Variants in MRC1 observed in about 807,000 individuals in gnomAD.
The protein encoded by MRC1 is mannose receptor C-type 1.
In MRC1, 62 loss-of-function variants were observed where a neutral mutation model predicts 102.9. The ratio of observed to expected loss-of-function variants is 0.60; its 90% CI spans 0.49 to 0.74. MRC1 has a LOEUF of 0.74. Ranked by LOEUF, MRC1 falls within the 30% of genes least tolerant of loss-of-function variation. MRC1 has a pLI of 0.00. For missense variants in MRC1, 1,237 were observed against 862.8 expected, an observed-to-expected ratio of 1.43 and a Z score of -5.43; for synonymous variants, 457 against 298.4, an observed-to-expected ratio of 1.53 and a Z score of -5.48.
chr10:17,870,965 C>T (rs1275156381), intron 14 of MRC1, 30 bp downstream of exon 14: 2 of 863,896 alleles, frequency 2.3e-6, no homozygotes, highest in Non-Finnish European at 4.0e-6. Context: ...ATATAACTTT[C>T]TTACTTTATC....
intron 1 of MRC1, among the ~76,000 whole-genome samples, chr10:17,820,851 G>GT (rs1838384581): frequency 6.6e-6 from 1 of 152,166 alleles, no homozygotes; most frequent in South Asian, 2.1e-4. Context: ...CATAGTCACT[G>GT]TTTTTTAAAA....
chr10:17,895,392 C>T (rs1268777376), intron 23 of MRC1, among the ~76,000 whole-genome samples: 2 of 151,644 alleles, frequency 1.3e-5, no homozygotes, highest in Admixed American at 6.6e-5. Flanking sequence ...CAGTTTTGGG[C>T]AGACTAAACC....
chr10:17,907,368 C>T (rs1833909882), intron 27 of MRC1, among the ~76,000 whole-genome samples, 166 bp from the exon 28 acceptor site: 1 of 152,018 alleles, frequency 6.6e-6, no homozygotes, highest in Non-Finnish European at 1.5e-5. Flanking sequence ...CGTTTCCTTC[C>T]CTGTAATAAT....
At position 17,859,702 on chromosome 10, in the gene MRC1, G is replaced by A. The variant is rs983459702; in HGVS notation, c.1519-1685G>A. 7.3e-4 allele frequency among the ~76,000 whole-genome samples: 111 copies of A among 152,258 alleles called. 1 individual carries two copies. The East Asian group carries it at 0.011, about 15-fold the overall frequency. On this transcript the variant is annotated intron_variant, in intron 9 of 29. Coordinates refer to ENST00000569591, the MANE Select transcript of MRC1 (RefSeq NM_002438.4). The stretch of plus-strand genomic sequence containing the variant: ...GTCACAGTCTCTCTTGACCTGGTTG[G>A]TGGGCGTATTTCTGATGTGTGGTTT...
chr10:17,881,862 T>G (rs913392501), intron 21 of MRC1, among the ~76,000 whole-genome samples: 170 of 105,042 alleles, frequency 1.6e-3, no homozygotes, highest in African/African-American at 6.9e-3. Flanking sequence ...TTTTTTTTTT[T>G]TGGTAGAGAT....
At chr10:17,837,961 C>A (rs1838694727) in intron 4 of MRC1, among the ~76,000 whole-genome samples, 2 of 151,798 alleles carry the variant, frequency 1.3e-5, no homozygotes, top group Non-Finnish European at 2.9e-5. Context: ...AAATTGTCTG[C>A]CAATTACTGA....
chr10:17,877,753 C>G, intron 17 of MRC1, 147 bp from the exon 18 acceptor site: 1 of 702,260 alleles, frequency 1.4e-6, no homozygotes, highest in East Asian at 2.6e-5. Context: ...CTAGGAAGAA[C>G]ATAATATAGA....
intron 28 of MRC1, among the ~76,000 whole-genome samples, chr10:17,908,196 G>A (rs1833921923): frequency 6.6e-6 from 1 of 152,128 alleles, no homozygotes; most frequent in East Asian, 1.9e-4. Context: ...CCTCTATCTG[G>A]AATTTAAAAA....
intron 23 of MRC1, among the ~76,000 whole-genome samples, 183 bp from the exon 24 acceptor site, chr10:17,897,851 G>T (rs1332088791): frequency 3.3e-5 from 5 of 152,176 alleles, no homozygotes; most frequent in Non-Finnish European, 7.4e-5. Context: ...TTTGATCAGG[G>T]ATACTGATGA....
intron 1 of MRC1, among the ~76,000 whole-genome samples, chr10:17,812,699 G>A (rs1589160726): frequency 6.6e-6 from 1 of 151,056 alleles, no homozygotes; most frequent in Non-Finnish European, 1.5e-5. Context: ...AGCCTCCCGA[G>A]TAGCTGGGAT....
chr10:17,879,140 C>T, intron 18 of MRC1, among the ~76,000 whole-genome samples: 1 of 152,144 alleles, frequency 6.6e-6, no homozygotes, highest in East Asian at 1.9e-4. Flanking sequence ...GTCTCTGGCT[C>T]ACTTCCAGAG....
intron 7 of MRC1, among the ~76,000 whole-genome samples, chr10:17,852,480 A>T (rs1249985434): frequency 1.3e-5 from 2 of 152,212 alleles, no homozygotes; most frequent in Non-Finnish European, 2.9e-5. Flanking sequence ...TCTTGATAAC[A>T]AGAGTCAGTA....
intron 10 of MRC1, chr10:17,862,788 T>A (rs1219075988): frequency 6.6e-6 from 1 of 152,250 alleles, no homozygotes; most frequent in East Asian, 1.9e-4. Flanking sequence ...TCTCCGTTTC[T>A]GGAAACTTCG....
intron 3 of MRC1, among the ~76,000 whole-genome samples, chr10:17,832,627 G>C (rs1289996116): frequency 2.0e-5 from 3 of 147,766 alleles, no homozygotes; most frequent in South Asian, 4.3e-4. Context: ...TCGCTCTGTC[G>C]CCCAGGCTGG....
intron 2 of MRC1, among the ~76,000 whole-genome samples, chr10:17,824,463 A>G (rs1838444075): frequency 6.6e-6 from 1 of 152,234 alleles, no homozygotes; most frequent in African/African-American, 2.4e-5. Flanking sequence ...TGAGCATAGC[A>G]ATTTAGTTCT....
At chr10:17,855,016 T>A (rs1279039245) in intron 8 of MRC1, among the ~76,000 whole-genome samples, 1 of 152,102 alleles carries the variant, frequency 6.6e-6, no homozygotes, top group Non-Finnish European at 1.5e-5. Flanking sequence ...TCAAGATGTT[T>A]AGCAGCGAAG....
At chr10:17,835,106 C>G (rs921954363) in intron 4 of MRC1, among the ~76,000 whole-genome samples, 1 of 152,198 alleles carries the variant, frequency 6.6e-6, no homozygotes, top group Non-Finnish European at 1.5e-5. Context: ...AAAAGTCAGT[C>G]TTGGATTCCT....
intron 22 of MRC1, among the ~76,000 whole-genome samples, chr10:17,888,610 A>T (rs1833632854): frequency 6.6e-6 from 1 of 152,118 alleles, no homozygotes; most frequent in East Asian, 1.9e-4. Context: ...GTTTAATTCC[A>T]TTGTGGTCTT....
chr10:17,834,889 A>G (rs1199493783), intron 4 of MRC1, among the ~76,000 whole-genome samples: 13 of 152,144 alleles, frequency 8.5e-5, no homozygotes, highest in Non-Finnish European at 1.5e-4. Flanking sequence ...CTTGCCCCCA[A>G]AATCTCCTCC....
Sources: allele counts gnomAD v4.1 joint callset (sites outside exome capture counted in the v4.1 genomes callset), GRCh38; gene constraint gnomAD v4.1.1; transcripts MANE v1.5; gene names NCBI Gene and HGNC (gene_info 2026-07-23, HGNC 2026-07-21).